SEMA6D: variants seen among roughly 807,000 people sequenced by gnomAD.
The protein encoded by SEMA6D is semaphorin 6D.
SEMA6D carries 35 observed loss-of-function variants against 106.6 expected under a neutral mutation model. The observed-to-expected ratio is 0.33, with a 90% CI of 0.25 to 0.44. The LOEUF (loss-of-function observed/expected upper bound fraction) is 0.44. SEMA6D is among the 20% of genes least tolerant of loss of function. SEMA6D has a pLI of 1.00. For missense variants in SEMA6D, 1,185 were observed against 1,345.9 expected (o/e 0.88, Z 1.87); for synonymous variants, 499 against 487.7 (o/e 1.02, Z -0.31).
At chr15:47,200,725 G>T (rs1398436888) in intron 1 of SEMA6D, among the ~76,000 whole-genome samples, 1 of 152,172 alleles carries the variant, frequency 6.6e-6, no homozygotes, top group Admixed American at 6.5e-5. Flanking sequence ...AGTTACAACT[G>T]CAGGGCAGTT....
intron 1 of SEMA6D, among the ~76,000 whole-genome samples, chr15:47,356,540 C>T (rs992294925): frequency 2.0e-5 from 3 of 148,082 alleles, no homozygotes; most frequent in African/African-American, 7.5e-5. Context: ...GAATTTAAAA[C>T]AGACCTATAT....
At chr15:47,760,947 G>T (rs778504140) in intron 3 of SEMA6D, 31 bp from the exon 4 acceptor site, 7 of 1,580,100 alleles carry the variant, frequency 4.4e-6, no homozygotes, top group Non-Finnish European at 6.1e-6. Flanking sequence ...ATGTATTCAC[G>T]TGATATGTTT....
intron 2 of SEMA6D, among the ~76,000 whole-genome samples, chr15:47,438,823 G>A (rs1343347766): frequency 6.6e-6 from 1 of 151,818 alleles, no homozygotes; most frequent in African/African-American, 2.4e-5. Flanking sequence ...ACTCCATGCG[G>A]GAGAGAGGTT....
At chr15:47,541,629 C>A (rs1170910527) in intron 3 of SEMA6D, among the ~76,000 whole-genome samples, 6 of 152,306 alleles carry the variant, frequency 3.9e-5, no homozygotes, top group Non-Finnish European at 1.5e-5. Context: ...TGTCCATGGT[C>A]TTTCCCCTTT....
intron 3 of SEMA6D, among the ~76,000 whole-genome samples, chr15:47,503,222 T>C (rs573486436): frequency 6.6e-6 from 1 of 152,352 alleles, no homozygotes; most frequent in Admixed American, 6.5e-5. Flanking sequence ...TCTGCTGATA[T>C]ATCTATTTAA....
chr15:47,575,184 T>C (rs2076134763), intron 3 of SEMA6D, among the ~76,000 whole-genome samples: 1 of 152,230 alleles, frequency 6.6e-6, no homozygotes. Flanking sequence ...AGCAATCTAT[T>C]CCACTCTGTC....
intron 1 of SEMA6D, among the ~76,000 whole-genome samples, chr15:47,725,854 A>G (rs977100191): frequency 3.5e-5 from 5 of 143,804 alleles, no homozygotes; most frequent in Admixed American, 1.4e-4. Flanking sequence ...TTTCCATGGT[A>G]TATTTAAGTC....
intron 1 of SEMA6D, among the ~76,000 whole-genome samples, chr15:47,354,471 A>G (rs1021977267): frequency 6.1e-5 from 9 of 147,840 alleles, no homozygotes; most frequent in African/African-American, 2.2e-4. Flanking sequence ...GAGGTGACTT[A>G]AGAATTCCAC....
At chr15:47,675,970 C>G (rs531125332) in intron 4 of SEMA6D, among the ~76,000 whole-genome samples, 1 of 152,008 alleles carries the variant, frequency 6.6e-6, no homozygotes, top group Non-Finnish European at 1.5e-5. Context: ...GGGGAGAAGC[C>G]TTTCTGCCTT....
chr15:47,635,597 G>A (rs553850194), intron 4 of SEMA6D, among the ~76,000 whole-genome samples: 118 of 152,274 alleles, frequency 7.7e-4, no homozygotes, highest in African/African-American at 2.6e-3. Context: ...GACTGGCATC[G>A]AAAAATGAGA....
intron 1 of SEMA6D, among the ~76,000 whole-genome samples, chr15:47,402,157 A>C (rs1223404975): frequency 6.6e-6 from 1 of 152,226 alleles, no homozygotes; most frequent in Non-Finnish European, 1.5e-5. Context: ...AGTTGATGCC[A>C]CTGCAGAACT....
chr15:47,551,358 G>C (rs1301970673), intron 3 of SEMA6D, among the ~76,000 whole-genome samples: 1 of 152,266 alleles, frequency 6.6e-6, no homozygotes, highest in South Asian at 2.1e-4. Flanking sequence ...GGAAGGGATG[G>C]ACTGAATGTA....
intron 4 of SEMA6D, among the ~76,000 whole-genome samples, chr15:47,625,028 TTACAA>T (rs1323312424): frequency 6.6e-6 from 1 of 152,196 alleles, no homozygotes; most frequent in Non-Finnish European, 1.5e-5. Flanking sequence ...CCTTCAATTT[TTACAA>T]TACGTTACAG....
chr15:47,612,132 G>A (rs1213985403), intron 4 of SEMA6D, among the ~76,000 whole-genome samples: 1 of 152,100 alleles, frequency 6.6e-6, no homozygotes, highest in Non-Finnish European at 1.5e-5. Flanking sequence ...TGGAGAGAAT[G>A]ATATACTCTC....
intron 4 of SEMA6D, among the ~76,000 whole-genome samples, chr15:47,688,407 A>G (rs1462226483): frequency 6.6e-6 from 1 of 152,210 alleles, no homozygotes; most frequent in Non-Finnish European, 1.5e-5. Flanking sequence ...AAATACAAGA[A>G]AATTCTTCAA....
intron 1 of SEMA6D, among the ~76,000 whole-genome samples, chr15:47,287,265 G>A (rs944650636): frequency 1.1e-4 from 16 of 152,208 alleles, no homozygotes; most frequent in Non-Finnish European, 2.2e-4. Flanking sequence ...TGTAGTAAGA[G>A]CAAGAAATAA....
At chr15:47,545,860 C>G (rs1335886940) in intron 3 of SEMA6D, among the ~76,000 whole-genome samples, 1 of 152,122 alleles carries the variant, frequency 6.6e-6, no homozygotes. Flanking sequence ...TCTTCCTAAT[C>G]CATCTGCCCT....
chr15:47,190,015 A>G (rs1817178), intron 1 of SEMA6D, among the ~76,000 whole-genome samples: 28,945 of 152,212 alleles, frequency 0.19, 3,043 homozygotes, highest in Middle Eastern at 0.29. Context: ...ACACTGCAAC[A>G]AAGTGCTGGA....
intron 1 of SEMA6D, among the ~76,000 whole-genome samples, chr15:47,720,465 A>G (rs2079360554): frequency 6.6e-6 from 1 of 151,346 alleles, no homozygotes. Flanking sequence ...CCCTGGTTTG[A>G]TGGGTTGATG....
Sources: gnomAD v4.1 joint callset for allele counts (sites outside exome capture counted in the v4.1 genomes callset) on GRCh38, gnomAD v4.1.1 for gene constraint, MANE v1.5 for transcripts, NCBI Gene and HGNC (gene_info 2026-07-23, HGNC 2026-07-21) for gene names.